The following GPR173 variants were observed in gnomAD, a reference collection of about 807,000 sequenced individuals.
GPR173 encodes the protein probable G protein-coupled receptor 173.
A neutral mutation model predicts 13.9 loss-of-function variants in GPR173; 2 were observed. The observed-to-expected ratio is 0.14, with a 90% CI of 0.06 to 0.45. The LOEUF (loss-of-function observed/expected upper bound fraction) is 0.45, where lower values mean the gene tolerates loss of function less well. Ranked by LOEUF, GPR173 falls within the 20% of genes least tolerant of loss-of-function variation. The probability of loss-of-function intolerance (pLI) is 0.98; values close to 1 mark genes in which losing one functional copy is unlikely to be tolerated. For synonymous variants in GPR173, 131 were observed against 141.0 expected, an observed-to-expected ratio of 0.93 and a Z score of 0.50; for missense variants, 202 against 340.5, an observed-to-expected ratio of 0.59 and a Z score of 3.20.
chrX:53,067,631 C>G (rs1932200113), intron 1 of GPR173, among the ~76,000 whole-genome samples: 1 of 111,130 alleles, frequency 9.0e-6, no homozygotes, highest in Non-Finnish European at 1.9e-5. Flanking sequence ...CAAGACCATC[C>G]TGGCTAACAC....
intron 1 of GPR173, among the ~76,000 whole-genome samples, chrX:53,063,198 C>G (rs904427314): frequency 9.1e-6 from 1 of 110,395 alleles, no homozygotes; most frequent in Non-Finnish European, 1.9e-5. Context: ...TTCCACAACT[C>G]GTGCATTCTG....
rs891457518 is a variant in GPR173, at chrX:53,066,345, T to G, written c.-97-10180T>G. On this transcript the variant is annotated intron_variant, in intron 1 of 1. Coordinates refer to ENST00000332582, the MANE Select transcript of GPR173 (RefSeq NM_018969.6). ...AATCCATAAACTCTGTCAGTAGTCT[T>G]CACGCTATTCTTTAGTGTCTTTAAC... 1.9e-4 allele frequency among the ~76,000 whole-genome samples: 21 copies of G among 111,631 alleles called. No individual in the cohort carries two copies. The Admixed American group carries it at 2.0e-3, about 11-fold the overall frequency.
chrX:53,070,091 A>C (rs782513981), intron 1 of GPR173, among the ~76,000 whole-genome samples: 14 of 111,510 alleles, frequency 1.3e-4, no homozygotes, highest in Non-Finnish European at 2.3e-4. Flanking sequence ...TTGAGTGTTA[A>C]TATCGTGACA....
chrX:53,053,231 T>C (rs782550753), intron 1 of GPR173, among the ~76,000 whole-genome samples: 1 of 113,000 alleles, frequency 8.8e-6, no homozygotes, highest in East Asian at 2.8e-4. Flanking sequence ...ATATCTATAC[T>C]TCATGTCATT....
chrX:53,055,812 G>C (rs1182194908), intron 1 of GPR173, among the ~76,000 whole-genome samples: 3 of 109,703 alleles, frequency 2.7e-5, no homozygotes, highest in Non-Finnish European at 5.7e-5. Flanking sequence ...TGAGAGGGTG[G>C]ATGTGTCTGC....
intron 1 of GPR173, among the ~76,000 whole-genome samples, chrX:53,070,209 T>C (rs1038417088): frequency 5.4e-5 from 6 of 111,783 alleles, no homozygotes; most frequent in African/African-American, 2.0e-4. Context: ...AATGAGTATA[T>C]ATATGTCTGT....
chrX:53,068,024 C>G (rs1932210066), intron 1 of GPR173, among the ~76,000 whole-genome samples: 2 of 111,188 alleles, frequency 1.8e-5, no homozygotes, highest in African/African-American at 6.5e-5. Context: ...ATCAATAAAC[C>G]AAGAAATGAT....
At chrX:53,052,602 C>T (rs1412570682) in intron 1 of GPR173, among the ~76,000 whole-genome samples, 5 of 100,494 alleles carry the variant, frequency 5.0e-5, no homozygotes, top group Admixed American at 2.1e-4. Context: ...CACACACACA[C>T]GTGTGTGTGT....
chrX:53,059,346 G>T (rs1234151844), intron 1 of GPR173, among the ~76,000 whole-genome samples: 3 of 108,417 alleles, frequency 2.8e-5, no homozygotes, highest in African/African-American at 1.0e-4. Context: ...AGGCTGGAGT[G>T]CAGTGGCCCG....
At chrX:53,063,370 GGCAGCAAATGCTCAA>G (rs1245267442) in intron 1 of GPR173, among the ~76,000 whole-genome samples, 5 of 109,892 alleles carry the variant, frequency 4.5e-5, no homozygotes, top group African/African-American at 1.7e-4. Flanking sequence ...GGTGGCACAG[GGCAGCAAATGCTCAA>G]GTCCTAGGGG....
chrX:53,060,944 AG>A (rs1932116906), intron 1 of GPR173, among the ~76,000 whole-genome samples: 1 of 85,693 alleles, frequency 1.2e-5, no homozygotes, highest in Non-Finnish European at 2.3e-5. Context: ...ACACTTCCAG[AG>A]GAGGATGGTG....
At chrX:53,067,823 C>A (rs868953817) in intron 1 of GPR173, among the ~76,000 whole-genome samples, 295 of 77,250 alleles carry the variant, frequency 3.8e-3, no homozygotes, top group South Asian at 9.4e-3. Flanking sequence ...GACTCCATCT[C>A]AAAAAAAAAA....
At position 53,067,597 on chromosome X, in the gene GPR173, G is replaced by T. The variant is rs1304461406; in HGVS notation, c.-97-8928G>T. 6.3e-5 allele frequency among the ~76,000 whole-genome samples: 7 copies of T among 111,416 alleles called. No individual in the cohort carries two copies. In the Admixed American group the frequency reaches 6.7e-4, roughly 11 times the overall value. ...TCCCAGCACTTTGGGAGGTCGAGGCGGGCGGATCACGAGGTCAGGAGATCA... is the reference window on the plus strand; with the variant it reads ...TCCCAGCACTTTGGGAGGTCGAGGCTGGCGGATCACGAGGTCAGGAGATCA... On this transcript the variant is annotated intron_variant, in intron 1 of 1. Coordinates refer to ENST00000332582, the MANE Select transcript of GPR173 (RefSeq NM_018969.6).
Position 53,049,058 on chromosome X carries a change from A to AGGGGG in GPR173, c.-519_-515dup, listed in dbSNP as rs782436092. 1 of 31,085 alleles carries AGGGGG rather than the reference A, an allele frequency of 3.2e-5. No individual in the cohort carries two copies. Among genetic ancestry groups the AGGGGG allele is most frequent in the Non-Finnish European group, 7.3e-5 (1 of 13,667 alleles). The allele number at this position is 31,085 out of a possible 1,213,427, so 2.6% of individuals were successfully genotyped here. ...AAGGCGGCGGCCAGCAGGCAGACGG[A>AGGGGG]GGGGGGGGGTGGGGGGTGGGGGGGG... On this transcript the variant is annotated 5_prime_UTR_variant, in exon 1 of 2. Coordinates refer to ENST00000332582, the MANE Select transcript of GPR173 (RefSeq NM_018969.6).
intron 1 of GPR173, among the ~76,000 whole-genome samples, chrX:53,049,973 T>TGC (rs1422961200): frequency 3.4e-4 from 34 of 99,323 alleles, no homozygotes; most frequent in African/African-American, 1.2e-3. Flanking sequence ...TGTGTGTGTG[T>TGC]GTGCACCTGG....
chrX:53,073,243 G>A (rs954835220), intron 1 of GPR173, among the ~76,000 whole-genome samples: 13 of 108,501 alleles, frequency 1.2e-4, no homozygotes, highest in African/African-American at 3.7e-4. Context: ...AAAAAGGCCG[G>A]GCACCAGGTG....
At chrX:53,062,965 G>A (rs782000345) in intron 1 of GPR173, among the ~76,000 whole-genome samples, 1 of 111,621 alleles carries the variant, frequency 9.0e-6, no homozygotes, top group East Asian at 2.8e-4. Context: ...CCACCCAGCA[G>A]CTCTCATGGG....
At chrX:53,072,359 C>G (rs187386846) in intron 1 of GPR173, among the ~76,000 whole-genome samples, 17 of 105,281 alleles carry the variant, frequency 1.6e-4, no homozygotes, top group African/African-American at 6.0e-4. Flanking sequence ...GGCGTTAGCC[C>G]TCTCCCTCTC....
At chrX:53,064,993 T>A (rs1366436466) in intron 1 of GPR173, 2 of 111,983 alleles carry the variant, frequency 1.8e-5, no homozygotes, top group African/African-American at 6.5e-5. Flanking sequence ...CCATGCCCAC[T>A]TCTGATCAAG....
Sources: gnomAD v4.1 joint callset for allele counts (sites outside exome capture counted in the v4.1 genomes callset) on GRCh38, gnomAD v4.1.1 for gene constraint, MANE v1.5 for transcripts, NCBI Gene and HGNC (gene_info 2026-07-23, HGNC 2026-07-21) for gene names.